The following FBXL13 variants were observed in gnomAD, a reference collection of about 807,000 sequenced individuals.
FBXL13 encodes the protein F-box and leucine rich repeat protein 13, also known as F-box and leucine-rich repeat protein 13.
In FBXL13, 67 loss-of-function variants were observed where a neutral mutation model predicts 83.6. The observed-to-expected ratio is 0.80, with a 90% CI of 0.66 to 0.98. The LOEUF (loss-of-function observed/expected upper bound fraction) is 0.98. Ranked by LOEUF, FBXL13 falls within the 50% of genes least tolerant of loss-of-function variation. The pLI is 0.00. For missense variants in FBXL13, 822 were observed against 866.5 expected (o/e 0.95, Z 0.64); for synonymous variants, 272 against 299.5 (o/e 0.91, Z 0.95).
chr7:103,033,821 TTC>T (rs1794780697), intron 2 of FBXL13, among the ~76,000 whole-genome samples: 1 of 152,168 alleles, frequency 6.6e-6, no homozygotes, highest in Non-Finnish European at 1.5e-5. Flanking sequence ...CCTGCTTTTA[TTC>T]TCTTATCTGG....
intron 2 of FBXL13, among the ~76,000 whole-genome samples, chr7:103,047,885 G>A (rs185426406): frequency 5.3e-4 from 80 of 152,180 alleles, no homozygotes; most frequent in Admixed American, 2.0e-3. Context: ...TAGTAGGGAC[G>A]GGGTTTCACC....
chr7:102,951,805 CA>C (rs5886239), intron 8 of FBXL13, among the ~76,000 whole-genome samples: 53,004 of 88,004 alleles, frequency 0.6, 12,160 homozygotes, highest in Middle Eastern at 0.78. Flanking sequence ...ACTCTCTCTC[CA>C]AAAAAAAAAA....
chr7:102,902,823 A>T (rs924372324), intron 11 of FBXL13, among the ~76,000 whole-genome samples: 4 of 152,018 alleles, frequency 2.6e-5, no homozygotes, highest in African/African-American at 9.7e-5. Flanking sequence ...TGTTTTGGTT[A>T]CTTTACTTCT....
upstream of FBXL13, chr7:103,074,710 G>A (rs2129517026): frequency 3.9e-6 from 5 of 1,289,818 alleles, no homozygotes; most frequent in Non-Finnish European, 4.0e-6. Context: ...CAGACCTGAG[G>A]AATGTAGTTC....
intron 2 of FBXL13, among the ~76,000 whole-genome samples, chr7:103,042,199 A>G (rs1795788183): frequency 6.6e-6 from 1 of 152,230 alleles, no homozygotes; most frequent in African/African-American, 2.4e-5. Context: ...AGAGAGCCAA[A>G]TCATGAGTGA....
chr7:102,849,958 A>G (rs148467118), intron 17 of FBXL13, among the ~76,000 whole-genome samples: 4 of 152,248 alleles, frequency 2.6e-5, no homozygotes, highest in South Asian at 4.2e-4. Flanking sequence ...ACGCATACCT[A>G]TGAAACAAAC....
intron 17 of FBXL13, among the ~76,000 whole-genome samples, chr7:102,833,436 CTTTTTTT>C (rs763657766): frequency 1.5e-5 from 2 of 134,616 alleles, no homozygotes; most frequent in Admixed American, 1.5e-4. Context: ...AGCCTGTTTC[CTTTTTTT>C]TTTTTTTTTT....
intron 17 of FBXL13, among the ~76,000 whole-genome samples, chr7:102,850,419 G>T (rs1421615089): frequency 6.6e-6 from 1 of 152,110 alleles, no homozygotes; most frequent in Non-Finnish European, 1.5e-5. Context: ...ACTTCTAAAT[G>T]ATTTCTAGTT....
At chr7:103,001,639 T>C (rs1332358151) in intron 6 of FBXL13, among the ~76,000 whole-genome samples, 2 of 151,924 alleles carry the variant, frequency 1.3e-5, no homozygotes, top group African/African-American at 4.8e-5. Flanking sequence ...CAGAAGGAGG[T>C]GGGATAAATT....
chr7:103,046,129 C>A (rs961639784), intron 2 of FBXL13, among the ~76,000 whole-genome samples: 5 of 152,166 alleles, frequency 3.3e-5, no homozygotes, highest in African/African-American at 1.2e-4. Context: ...AAAGAATGAG[C>A]TGGATAAAGA....
At chr7:103,067,545 A>T (rs1313755814) in intron 1 of FBXL13, among the ~76,000 whole-genome samples, 7 of 152,358 alleles carry the variant, frequency 4.6e-5, no homozygotes, top group African/African-American at 1.4e-4. Flanking sequence ...TCTCTTGGAC[A>T]CCTGTTTTGG....
At chr7:102,894,799 C>T (rs1812058159) in intron 11 of FBXL13, among the ~76,000 whole-genome samples, 1 of 151,658 alleles carries the variant, frequency 6.6e-6, no homozygotes, top group Admixed American at 6.6e-5. Context: ...TTCCTAGGCA[C>T]TTTTCTTTCT....
At chr7:102,912,565 G>C (rs766005176) in intron 11 of FBXL13, among the ~76,000 whole-genome samples, 1 of 151,462 alleles carries the variant, frequency 6.6e-6, no homozygotes, top group African/African-American at 2.4e-5. Flanking sequence ...ATTTTCCCAC[G>C]CAGATCTCAA....
At chr7:102,978,700 G>T (rs1207817818) in intron 6 of FBXL13, 3 of 221,086 alleles carry the variant, frequency 1.4e-5, no homozygotes, top group East Asian at 2.2e-4. Flanking sequence ...GCACACTCTC[G>T]GGGTTTGAAC....
chr7:103,059,544 T>C (rs1177755454), intron 1 of FBXL13, among the ~76,000 whole-genome samples: 1 of 152,230 alleles, frequency 6.6e-6, no homozygotes, highest in Admixed American at 6.5e-5. Flanking sequence ...CAGGGCCTTA[T>C]TATTAATAAT....
At chr7:102,814,042 T>A (rs1046814695) in intron 19 of FBXL13, among the ~76,000 whole-genome samples, 2 of 152,242 alleles carry the variant, frequency 1.3e-5, no homozygotes, top group East Asian at 1.9e-4. Context: ...AGAAGGTTTG[T>A]GACTCAAAGG....
intron 2 of FBXL13, among the ~76,000 whole-genome samples, chr7:103,033,996 G>C (rs992997509): frequency 2.0e-5 from 3 of 151,676 alleles, no homozygotes; most frequent in Middle Eastern, 3.4e-3. Flanking sequence ...GTCCCCACCA[G>C]AGTAGCTAGA....
chr7:102,844,739 A>G (rs1803628778), intron 17 of FBXL13, among the ~76,000 whole-genome samples: 1 of 152,042 alleles, frequency 6.6e-6, no homozygotes, highest in African/African-American at 2.4e-5. Context: ...GTTAGCACAG[A>G]CCCCACAGGT....
At chr7:103,069,816 C>T (rs372511075) in intron 1 of FBXL13, among the ~76,000 whole-genome samples, 2 of 152,222 alleles carry the variant, frequency 1.3e-5, no homozygotes, top group Non-Finnish European at 2.9e-5. Flanking sequence ...CGGTGGCCCA[C>T]GCCTGTAATC....
Sources: gnomAD v4.1 joint callset for allele counts (sites outside exome capture counted in the v4.1 genomes callset) on GRCh38, gnomAD v4.1.1 for gene constraint, MANE v1.5 for transcripts, NCBI Gene and HGNC (gene_info 2026-07-23, HGNC 2026-07-21) for gene names.